The following UBR1 variants were observed in gnomAD, a reference collection of about 807,000 sequenced individuals.
The protein encoded by UBR1 is E3 ubiquitin-protein ligase UBR1.
A neutral mutation model predicts 242.1 loss-of-function variants in UBR1; 102 were observed. That is an observed-to-expected ratio of 0.42 (90% CI 0.36 to 0.50). The LOEUF (loss-of-function observed/expected upper bound fraction) is 0.50. Among genes scored for constraint, UBR1 ranks in the 20% least tolerant of loss-of-function variants. UBR1 has a pLI of 0.01. For missense variants in UBR1, 1,772 were observed against 2,101.8 expected (o/e 0.84, Z 3.07); for synonymous variants, 675 against 684.8 (o/e 0.99, Z 0.22).
intron 6 of UBR1, among the ~76,000 whole-genome samples, chr15:43,064,237 A>G (rs1384534070): frequency 6.6e-6 from 1 of 152,238 alleles, no homozygotes; most frequent in Admixed American, 6.5e-5. Flanking sequence ...GAGCTTGATC[A>G]CTATGAGGTT....
chr15:43,067,954 C>A lies in UBR1; in HGVS notation c.742G>T (p.Ala248Ser). Residue 248 changes from alanine (A) to serine (S), a missense_variant, in exon 6 of 47, where the codon GCT becomes TCT. Ala to Ser is a moderately conservative substitution (Grantham distance 99). Transcript: ENST00000290650. ...GCCTCTGCGAGCTCACAGTCAAGAG[C>A]TCTTTGTAGGCTGTATATGACGTGG... is the stretch of plus-strand genomic sequence containing the variant. Reference protein sequence around the residue: ...YDHVIYSLQRALDCELAEAQL... With the variant: ...YDHVIYSLQRSLDCELAEAQL... 6.2e-7 allele frequency: 1 copy of A among 1,613,784 alleles called. No individual in the cohort carries two copies. The highest frequency in any genetic ancestry group is 8.5e-7 in the Non-Finnish European group (1 of 1,179,938).
At chr15:43,009,881 A>G (rs1010744412) in intron 29 of UBR1, among the ~76,000 whole-genome samples, 1 of 151,996 alleles carries the variant, frequency 6.6e-6, no homozygotes. Flanking sequence ...TTTTTGTTTT[A>G]TTTTGTTTGA....
intron 12 of UBR1, among the ~76,000 whole-genome samples, chr15:43,053,863 C>T (rs2033584503): frequency 1.4e-5 from 2 of 147,680 alleles, no homozygotes; most frequent in South Asian, 2.2e-4. Context: ...AGTCTCACTC[C>T]GTTGCCAGGC....
chr15:43,031,856 A>G (rs943681070), intron 20 of UBR1, among the ~76,000 whole-genome samples: 5 of 152,200 alleles, frequency 3.3e-5, no homozygotes, highest in African/African-American at 1.2e-4. Flanking sequence ...CCCCGTCTCT[A>G]TTAAAAAATA....
chr15:42,952,705 A>G (rs1424838373), intron 44 of UBR1, among the ~76,000 whole-genome samples: 1 of 152,180 alleles, frequency 6.6e-6, no homozygotes, highest in African/African-American at 2.4e-5. Flanking sequence ...TAATTCTCAT[A>G]AAGTATGGTG....
chr15:43,081,699 T>C (rs1035326345), intron 3 of UBR1, among the ~76,000 whole-genome samples: 2 of 152,146 alleles, frequency 1.3e-5, no homozygotes, highest in Non-Finnish European at 2.9e-5. Context: ...GTTCTTTGTA[T>C]AATTTTAGCA....
At chr15:42,990,242 T>C in intron 33 of UBR1, 122 bp from the exon 34 acceptor site, 1 of 725,134 alleles carries the variant, frequency 1.4e-6, no homozygotes, top group East Asian at 2.8e-5. Flanking sequence ...TGGAGCACAG[T>C]GGCATGATCA....
chr15:42,973,714 G>C (rs1270778573), intron 39 of UBR1, among the ~76,000 whole-genome samples: 3 of 151,950 alleles, frequency 2.0e-5, no homozygotes, highest in Non-Finnish European at 4.4e-5. Context: ...CCAGAATGTG[G>C]CTTGTCTCTC....
rs1053949297 is a variant in UBR1 at position 43,014,029 on chromosome 15, A to G, written c.3209+1659T>C. On this transcript the variant is annotated intron_variant, in intron 29 of 46. Coordinates refer to ENST00000290650, the MANE Select transcript of UBR1 (RefSeq NM_174916.3). ...GCAGAGTGCCTGCGATTGCAGGTGC[A>G]CGCTGCCACGCCTGACTGGTTTTCG... Among the ~76,000 whole-genome samples, 4 of 152,242 alleles carry G rather than the reference A, an allele frequency of 2.6e-5. No individual in the cohort carries two copies. The South Asian group carries it at 6.2e-4, about 24-fold the overall frequency.
intron 12 of UBR1, among the ~76,000 whole-genome samples, chr15:43,053,073 TGA>T (rs1458571243): frequency 6.6e-6 from 1 of 152,224 alleles, no homozygotes; most frequent in Non-Finnish European, 1.5e-5. Context: ...AGGATTCTCA[TGA>T]GAGTGAATTA....
chr15:43,104,937 T>C (rs1430431190), intron 1 of UBR1, among the ~76,000 whole-genome samples: 1 of 152,134 alleles, frequency 6.6e-6, no homozygotes, highest in Admixed American at 6.5e-5. Flanking sequence ...ACTCGGGAAT[T>C]TGCAGTTCAA....
In UBR1 at chr15:42,980,769, C is replaced by T. The variant is rs147400569; in HGVS notation, c.4151-2822G>A. 2.1e-3 allele frequency among the ~76,000 whole-genome samples: 316 copies of T among 152,050 alleles called. 7 individuals are homozygous for T. In the East Asian group the frequency reaches 0.044, roughly 21 times the overall value. Reference sequence around the variant, plus strand: ...TACTACAGTTGTGCACCACCACACCCGGCTAAGTTTTTTGTGGAGACGGGG... The same window carrying T: ...TACTACAGTTGTGCACCACCACACCTGGCTAAGTTTTTTGTGGAGACGGGG... On this transcript the variant is annotated intron_variant, in intron 37 of 46. Transcript: ENST00000290650.
chr15:43,002,492 A>T, intron 32 of UBR1, 63 bp downstream of exon 32: 1 of 1,565,448 alleles, frequency 6.4e-7, no homozygotes, highest in Non-Finnish European at 8.7e-7. Flanking sequence ...AAGTGCTGGG[A>T]TCACAGGCCA....
intron 29 of UBR1, among the ~76,000 whole-genome samples, chr15:43,008,759 A>C (rs922989425): frequency 6.6e-6 from 1 of 152,186 alleles, no homozygotes; most frequent in East Asian, 1.9e-4. Context: ...TAAAAACCCC[A>C]GACTCAGCCA....
At chr15:43,065,900 T>C (rs994204059) in intron 6 of UBR1, among the ~76,000 whole-genome samples, 74 of 152,300 alleles carry the variant, frequency 4.9e-4, no homozygotes, top group African/African-American at 1.7e-3. Flanking sequence ...ATTGCAAAAA[T>C]GTTCTCTTAT....
intron 33 of UBR1, among the ~76,000 whole-genome samples, chr15:42,991,803 T>A (rs557137411): frequency 2.6e-5 from 4 of 152,166 alleles, no homozygotes; most frequent in Non-Finnish European, 5.9e-5. Flanking sequence ...TGCAGTGGCA[T>A]GATTATAGCT....
At chr15:42,970,149 T>C (rs2032180037) in intron 40 of UBR1, among the ~76,000 whole-genome samples, 2 of 152,124 alleles carry the variant, frequency 1.3e-5, no homozygotes, top group African/African-American at 4.8e-5. Context: ...AACAGATATA[T>C]AGACCAATGG....
intron 32 of UBR1, among the ~76,000 whole-genome samples, chr15:42,998,773 C>T (rs937368882): frequency 6.6e-6 from 1 of 152,106 alleles, no homozygotes; most frequent in African/African-American, 2.4e-5. Context: ...ATGAATTCAT[C>T]ATACAGCAGC....
chr15:42,976,566 TA>T (rs2032290732), intron 39 of UBR1, 150 bp downstream of exon 39: 7 of 930,228 alleles, frequency 7.5e-6, no homozygotes, highest in African/African-American at 1.8e-5. Flanking sequence ...TTTCCTTGTT[TA>T]AACAGTATCC....
Sources: gnomAD v4.1 joint callset for allele counts (sites outside exome capture counted in the v4.1 genomes callset) on GRCh38, gnomAD v4.1.1 for gene constraint, MANE v1.5 for transcripts, NCBI Gene and HGNC (gene_info 2026-07-23, HGNC 2026-07-21) for gene names.